Variants in CAMK2A observed in about 807,000 individuals in gnomAD.
CAMK2A encodes calcium/calmodulin dependent protein kinase II alpha.
CAMK2A carries 7 observed loss-of-function variants against 79.2 expected under a neutral mutation model. The observed-to-expected ratio is 0.09, with a 90% CI of 0.05 to 0.17. The LOEUF (loss-of-function observed/expected upper bound fraction) is 0.17, where lower values mean the gene tolerates loss of function less well. CAMK2A is among the 10% of genes least tolerant of loss of function. The pLI is 1.00. For missense variants in CAMK2A, 214 were observed against 646.4 expected (o/e 0.33, Z 7.25); for synonymous variants, 242 against 251.7 (o/e 0.96, Z 0.36).
chr5:150,272,436 G>A (rs112631817), intron 2 of CAMK2A, among the ~76,000 whole-genome samples: 2,205 of 152,162 alleles, frequency 0.014, 61 homozygotes, highest in African/African-American at 0.051. Flanking sequence ...GCCGGGCATG[G>A]CGGTGGACGC....
At chr5:150,243,345 C>T (rs1035885315) in intron 13 of CAMK2A, among the ~76,000 whole-genome samples, 6 of 152,180 alleles carry the variant, frequency 3.9e-5, no homozygotes, top group African/African-American at 1.2e-4. Context: ...TTCCCCAGGG[C>T]GCCCAGCACC....
chr5:150,230,208 C>T lies in CAMK2A; in HGVS notation c.1142+1097G>A, dbSNP rs1464219343. Among the ~76,000 whole-genome samples, 3 of 150,468 alleles carry T rather than the reference C, an allele frequency of 2.0e-5. No homozygotes were observed. In the East Asian group the frequency reaches 6.0e-4, roughly 30 times the overall value. Reference sequence around the variant, plus strand: ...TGGCGTGCACCTGTAATCCCAGCTACTCAGGAGGCTGAGGCAGGAGAATCA... The same window carrying T: ...TGGCGTGCACCTGTAATCCCAGCTATTCAGGAGGCTGAGGCAGGAGAATCA... On this transcript the variant is annotated intron_variant, in intron 16 of 18. Coordinates refer to ENST00000671881, the MANE Select transcript of CAMK2A (RefSeq NM_015981.4).
chr5:150,270,886 A>G (rs897841870), intron 2 of CAMK2A, among the ~76,000 whole-genome samples: 1 of 152,176 alleles, frequency 6.6e-6, no homozygotes, highest in Non-Finnish European at 1.5e-5. Flanking sequence ...AACAGGAGCC[A>G]TGGCCCTTCC....
intron 11 of CAMK2A, among the ~76,000 whole-genome samples, chr5:150,249,467 G>A (rs1755729608): frequency 6.6e-6 from 1 of 152,156 alleles, no homozygotes. Context: ...TGAACCACTT[G>A]TGGTGCCCCT....
At chr5:150,277,708 A>T (rs1303319873) in intron 1 of CAMK2A, among the ~76,000 whole-genome samples, 4 of 152,198 alleles carry the variant, frequency 2.6e-5, no homozygotes, top group African/African-American at 9.7e-5. Flanking sequence ...CTTTTATCAG[A>T]TGCTCAGAGA....
intron 9 of CAMK2A, among the ~76,000 whole-genome samples, chr5:150,251,195 A>C (rs13179303): frequency 3.3e-5 from 5 of 152,238 alleles, no homozygotes; most frequent in African/African-American, 9.6e-5. Flanking sequence ...AGAATTAAAT[A>C]CAATATAAAA....
intron 6 of CAMK2A, among the ~76,000 whole-genome samples, chr5:150,254,428 C>T (rs1755965335): frequency 6.6e-6 from 1 of 152,134 alleles, no homozygotes. Flanking sequence ...AGTGACTTGG[C>T]CAAGATCACG....
chr5:150,273,758 C>G (rs1756845275), intron 1 of CAMK2A, among the ~76,000 whole-genome samples: 1 of 152,166 alleles, frequency 6.6e-6, no homozygotes, highest in Non-Finnish European at 1.5e-5. Flanking sequence ...ATAAGAGTTC[C>G]TTGTTACTTA....
intron 14 of CAMK2A, 98 bp from the exon 15 acceptor site, chr5:150,238,846 G>A (rs1755212084): frequency 3.0e-6 from 3 of 1,003,140 alleles, no homozygotes; most frequent in East Asian, 2.7e-5. Flanking sequence ...GTTTCTGTGA[G>A]CCTCACAGGC....
intron 12 of CAMK2A, 32 bp downstream of exon 12, chr5:150,247,739 GC>G (rs1351810529): frequency 6.3e-7 from 1 of 1,589,822 alleles, no homozygotes; most frequent in Admixed American, 1.7e-5. Context: ...CTGGTGCAGG[GC>G]TTACTGGGGA....
upstream of CAMK2A, chr5:150,289,894 C>T: frequency 2.0e-6 from 1 of 511,750 alleles, no homozygotes; most frequent in South Asian, 2.6e-5. Context: ...CCAACACCTG[C>T]CTGCCTTCCA....
At chr5:150,239,858 T>C in intron 13 of CAMK2A, 122 bp from the exon 14 acceptor site, 1 of 833,390 alleles carries the variant, frequency 1.2e-6, no homozygotes, top group Non-Finnish European at 2.1e-6. Context: ...TCTGTAGTCC[T>C]TTGTCGGCTT....
Position 150,238,861 on chromosome 5 carries a change from C to T in CAMK2A, c.1018-113G>A, listed in dbSNP as rs900231375. 5.9e-6 allele frequency: 5 copies of T among 847,472 alleles called. No homozygotes were observed. The African/African-American group carries it at 6.9e-5, about 12-fold the overall frequency. 52.5% of individuals were successfully genotyped at this position (847,472 alleles called of 1,614,324 possible). Reference sequence around the variant, plus strand: ...GTTTCTGTGAGCCTCACAGGCTCTGCCTTCCAGATGCTGTCCTGAAAACCC... The same window carrying T: ...GTTTCTGTGAGCCTCACAGGCTCTGTCTTCCAGATGCTGTCCTGAAAACCC... On this transcript the variant is annotated intron_variant, in intron 14 of 18. Transcript: ENST00000671881.
intron 12 of CAMK2A, 23 bp downstream of exon 12, chr5:150,247,749 G>A (rs751312080): frequency 6.2e-7 from 1 of 1,602,184 alleles, no homozygotes; most frequent in Non-Finnish European, 8.5e-7. Flanking sequence ...GCTTACTGGG[G>A]ACCCTGAGGT....
At chr5:150,259,443 G>A (rs1001600961) in intron 3 of CAMK2A, among the ~76,000 whole-genome samples, 3 of 152,024 alleles carry the variant, frequency 2.0e-5, no homozygotes, top group Non-Finnish European at 4.4e-5. Flanking sequence ...GGTTGTTTGA[G>A]CCCAGGGGGC....
intron 1 of CAMK2A, among the ~76,000 whole-genome samples, chr5:150,288,360 T>A (rs1371451839): frequency 6.6e-6 from 1 of 152,104 alleles, no homozygotes; most frequent in African/African-American, 2.4e-5. Flanking sequence ...ACTCTTGTAA[T>A]ACTCACACAC....
At chr5:150,266,834 GA>G (rs1756532963) in intron 2 of CAMK2A, among the ~76,000 whole-genome samples, 1 of 152,116 alleles carries the variant, frequency 6.6e-6, no homozygotes, top group South Asian at 2.1e-4. Flanking sequence ...CCCTGGCCCT[GA>G]ATGGCCCTCT....
At chr5:150,241,398 TTCC>T (rs370816584) in intron 13 of CAMK2A, among the ~76,000 whole-genome samples, 58 of 138,512 alleles carry the variant, frequency 4.2e-4, no homozygotes, top group African/African-American at 1.3e-3. Flanking sequence ...TCTCTCCTCC[TTCC>T]TCTTTTCTTC....
chr5:150,289,728 C>T lies in CAMK2A; in HGVS notation c.-103G>A, dbSNP rs114371823. Reference sequence around the variant, plus strand: ...GGGACCACTTGCCTGCCCGTGCTGCCGAGTGCAAACAGAGAACCGGTTTGA... The same window carrying T: ...GGGACCACTTGCCTGCCCGTGCTGCTGAGTGCAAACAGAGAACCGGTTTGA... On this transcript the variant is annotated 5_prime_UTR_variant, in exon 1 of 19. Coordinates refer to ENST00000671881, the MANE Select transcript of CAMK2A (RefSeq NM_015981.4). The T allele has an allele frequency of 3.7e-3, 3,207 of 875,628 alleles. 29 individuals carry two copies. Among genetic ancestry groups the T allele is most frequent in the African/African-American group, 0.025 (1,511 of 60,866 alleles). 54.2% of individuals were successfully genotyped at this position (875,628 alleles called of 1,614,324 possible).
Sources: allele counts gnomAD v4.1 joint callset (sites outside exome capture counted in the v4.1 genomes callset), GRCh38; gene constraint gnomAD v4.1.1; transcripts MANE v1.5; gene names NCBI Gene and HGNC (gene_info 2026-07-23, HGNC 2026-07-21).